Variants in LRP1B observed in about 807,000 individuals in gnomAD.
LRP1B encodes low-density lipoprotein receptor-related protein 1B.
LRP1B carries 217 observed loss-of-function variants against 556.6 expected under a neutral mutation model. That is an observed-to-expected ratio of 0.39 (90% CI 0.35 to 0.44). LRP1B has a LOEUF of 0.44. Ranked by LOEUF, LRP1B falls within the 20% of genes least tolerant of loss-of-function variation. The pLI is 1.00. For synonymous variants in LRP1B, 2,047 were observed against 1,865.8 expected (o/e 1.10, Z -2.50); for missense variants, 5,053 against 5,620.8 (o/e 0.90, Z 3.23).
chr2:141,405,229 A>G (rs1175037350), intron 3 of LRP1B, among the ~76,000 whole-genome samples: 1 of 152,188 alleles, frequency 6.6e-6, no homozygotes, highest in Admixed American at 6.5e-5. Flanking sequence ...TCTTGTTTGG[A>G]CCTACCAAAA....
At chr2:141,784,897 C>T (rs555795109) in intron 2 of LRP1B, among the ~76,000 whole-genome samples, 1 of 151,954 alleles carries the variant, frequency 6.6e-6, no homozygotes, top group South Asian at 2.1e-4. Context: ...CTTTGGTTTT[C>T]CTCAAGTCCT....
chr2:142,117,140 C>A (rs534090429), intron 1 of LRP1B, among the ~76,000 whole-genome samples: 1 of 152,068 alleles, frequency 6.6e-6, no homozygotes, highest in Admixed American at 6.6e-5. Flanking sequence ...CTGAAATCTC[C>A]GCTTAGCATT....
At chr2:141,706,966 T>C (rs913494834) in intron 2 of LRP1B, among the ~76,000 whole-genome samples, 1 of 152,116 alleles carries the variant, frequency 6.6e-6, no homozygotes, top group South Asian at 2.1e-4. Context: ...TACTGTACAT[T>C]ATTTCAATTT....
chr2:141,335,809 A>T (rs1687827618), intron 3 of LRP1B, among the ~76,000 whole-genome samples: 1 of 152,136 alleles, frequency 6.6e-6, no homozygotes, highest in South Asian at 2.1e-4. Context: ...AGAGATAAAC[A>T]TGCGTGTGTG....
chr2:141,019,062 T>A (rs980878507), intron 12 of LRP1B, among the ~76,000 whole-genome samples: 1 of 152,072 alleles, frequency 6.6e-6, no homozygotes, highest in Non-Finnish European at 1.5e-5. Flanking sequence ...CAAAAAACTA[T>A]ACATGTAAAA....
chr2:140,483,638 ATAT>A (rs1406325576), intron 59 of LRP1B, among the ~76,000 whole-genome samples: 5,255 of 73,860 alleles, frequency 0.071, 55 homozygotes, highest in Middle Eastern at 0.097. Flanking sequence ...ATATATATAT[ATAT>A]TTTTTTTTTT....
chr2:142,018,514 CT>C (rs1703225034), intron 1 of LRP1B, among the ~76,000 whole-genome samples: 1 of 151,880 alleles, frequency 6.6e-6, no homozygotes, highest in South Asian at 2.1e-4. Context: ...ATAAAATTTA[CT>C]TTGCTTTTAT....
intron 1 of LRP1B, among the ~76,000 whole-genome samples, chr2:141,902,115 A>G (rs1699635162): frequency 6.6e-6 from 1 of 151,650 alleles, no homozygotes; most frequent in Non-Finnish European, 1.5e-5. Flanking sequence ...TAATCAAATC[A>G]GTACAAAAAG....
intron 2 of LRP1B, among the ~76,000 whole-genome samples, chr2:141,501,740 A>G (rs1683718728): frequency 6.6e-6 from 1 of 152,166 alleles, no homozygotes; most frequent in Admixed American, 6.5e-5. Flanking sequence ...AGAAACATGC[A>G]TTGTAGAGAT....
At chr2:140,723,981 C>T (rs536308487) in intron 35 of LRP1B, among the ~76,000 whole-genome samples, 2 of 152,262 alleles carry the variant, frequency 1.3e-5, no homozygotes, top group South Asian at 4.1e-4. Flanking sequence ...GCTGTTAGAT[C>T]TGGTAATGAG....
At chr2:140,614,514 A>C (rs911054933) in intron 41 of LRP1B, among the ~76,000 whole-genome samples, 3 of 152,154 alleles carry the variant, frequency 2.0e-5, no homozygotes, top group Non-Finnish European at 4.4e-5. Context: ...AATAGATTGA[A>C]TATCTATTCT....
chr2:141,765,970 G>A (rs955842560), intron 2 of LRP1B, among the ~76,000 whole-genome samples: 16 of 152,006 alleles, frequency 1.1e-4, no homozygotes, highest in Non-Finnish European at 1.9e-4. Flanking sequence ...CATTTTCAGG[G>A]AGCCAAATAT....
chr2:140,855,098 CATT>C (rs942528929), intron 27 of LRP1B, among the ~76,000 whole-genome samples: 2 of 151,932 alleles, frequency 1.3e-5, no homozygotes, highest in African/African-American at 4.8e-5. Flanking sequence ...TTAAATAAAA[CATT>C]ATGAAGTATC....
intron 7 of LRP1B, among the ~76,000 whole-genome samples, chr2:141,068,298 A>G (rs982707915): frequency 4.6e-5 from 7 of 151,940 alleles, no homozygotes; most frequent in African/African-American, 7.2e-5. Flanking sequence ...AGAAAGAGAA[A>G]GGAAAATAGT....
chr2:140,786,190 G>A (rs1689893098), intron 32 of LRP1B, among the ~76,000 whole-genome samples: 1 of 152,180 alleles, frequency 6.6e-6, no homozygotes, highest in African/African-American at 2.4e-5. Context: ...ATCTGTGACT[G>A]CCCAAAGTGC....
chr2:140,604,229 A>G (rs1023549346), intron 41 of LRP1B, among the ~76,000 whole-genome samples: 21 of 29,206 alleles, frequency 7.2e-4, no homozygotes, highest in Admixed American at 4.7e-3. Context: ...ACTTGCCAAG[A>G]AAAAAAAAAA....
intron 2 of LRP1B, among the ~76,000 whole-genome samples, chr2:141,552,693 C>T (rs1685798327): frequency 6.6e-6 from 1 of 151,766 alleles, no homozygotes; most frequent in Admixed American, 6.6e-5. Context: ...TGAGAAAATT[C>T]AGGTAGTTAA....
intron 1 of LRP1B, among the ~76,000 whole-genome samples, chr2:141,942,403 G>C (rs1700835844): frequency 6.9e-6 from 1 of 145,436 alleles, no homozygotes; most frequent in Non-Finnish European, 1.5e-5. Context: ...ACTGGTTCTT[G>C]GTTGCCAATA....
rs548264984 is a variant in LRP1B, at chr2:140,885,356, CT to C, written c.3964+781del. 9.8e-3 allele frequency among the ~76,000 whole-genome samples: 1,363 copies of C among 138,678 alleles called. 4 individuals are homozygous for C. The highest frequency in any genetic ancestry group is 0.021 in the African/African-American group (782 of 38,122). 91.0% of individuals were successfully genotyped at this position (138,678 alleles called of 152,430 possible). On this transcript the variant is annotated intron_variant, in intron 24 of 90. Coordinates refer to ENST00000389484, the MANE Select transcript of LRP1B (RefSeq NM_018557.3). Reference sequence around the variant, plus strand: ...AATATATATTTATGTCAACGGCTTCCTTTTTTTTTTTTTTTGAGATAAAGTA... The same window carrying C: ...AATATATATTTATGTCAACGGCTTCCTTTTTTTTTTTTTTGAGATAAAGTA...
Sources: gnomAD v4.1 joint callset for allele counts (sites outside exome capture counted in the v4.1 genomes callset) on GRCh38, gnomAD v4.1.1 for gene constraint, MANE v1.5 for transcripts, NCBI Gene and HGNC (gene_info 2026-07-23, HGNC 2026-07-21) for gene names.